The following ADAM32 variants were observed in gnomAD, a reference collection of about 807,000 sequenced individuals.
ADAM32 encodes disintegrin and metalloproteinase domain-containing protein 32.
ADAM32 carries 89 observed loss-of-function variants against 114.9 expected under a neutral mutation model. The ratio of observed to expected loss-of-function variants is 0.77; its 90% confidence interval spans 0.65 to 0.92. ADAM32 has a LOEUF of 0.92. ADAM32 is among the 40% of genes least tolerant of loss of function. The pLI, the probability that ADAM32 is intolerant of heterozygous loss-of-function variation, is 0.00. For missense variants in ADAM32, 870 were observed against 932.8 expected (o/e 0.93, Z 0.88); for synonymous variants, 285 against 307.5 (o/e 0.93, Z 0.77).
chr8:39,251,651 C>A (rs564949136), intron 17 of ADAM32, among the ~76,000 whole-genome samples: 8 of 151,796 alleles, frequency 5.3e-5, no homozygotes, highest in African/African-American at 1.7e-4. Flanking sequence ...GAAATATTTT[C>A]TTTTATTCTG....
chr8:39,196,346 C>T (rs547463122), intron 11 of ADAM32, among the ~76,000 whole-genome samples: 1 of 152,154 alleles, frequency 6.6e-6, no homozygotes, highest in African/African-American at 2.4e-5. Context: ...TTCTCTAATT[C>T]CTCTGGCTAG....
At chr8:39,202,333 ACTT>A in intron 11 of ADAM32, among the ~76,000 whole-genome samples, 1 of 152,054 alleles carries the variant, frequency 6.6e-6, no homozygotes, top group East Asian at 1.9e-4. Context: ...CAGAGATTCA[ACTT>A]CTTCCTGGCT....
chr8:39,179,007 A>T (rs984218418), intron 10 of ADAM32, among the ~76,000 whole-genome samples: 1 of 152,172 alleles, frequency 6.6e-6, no homozygotes, highest in African/African-American at 2.4e-5. Flanking sequence ...GAATGGGATC[A>T]TCAGGGACCC....
rs1806410037 is a variant in ADAM32, at chr8:39,188,733, C to G, written c.1052+1688C>G. 3.3e-5 allele frequency among the ~76,000 whole-genome samples: 5 copies of G among 152,030 alleles called. No individual in the cohort carries two copies. The South Asian group carries it at 1.0e-3, about 32-fold the overall frequency. On this transcript the variant is annotated intron_variant, in intron 11 of 24. Transcript: ENST00000379907. Reference sequence around the variant, plus strand: ...GTTTGTGGCAGACTTGGGTTTTGAGCCTGTATTAGTAAACCTTTAAGTTCA... The same window carrying G: ...GTTTGTGGCAGACTTGGGTTTTGAGGCTGTATTAGTAAACCTTTAAGTTCA...
At chr8:39,220,750 T>A (rs952277555) in intron 12 of ADAM32, among the ~76,000 whole-genome samples, 5 of 152,108 alleles carry the variant, frequency 3.3e-5, no homozygotes, top group Non-Finnish European at 5.9e-5. Context: ...ATTTCTAGTT[T>A]TATTCCCTTA....
At chr8:39,246,758 C>T (rs1208881945) in intron 17 of ADAM32, among the ~76,000 whole-genome samples, 1 of 152,152 alleles carries the variant, frequency 6.6e-6, no homozygotes, top group African/African-American at 2.4e-5. Flanking sequence ...GTCTCACATT[C>T]TATGGGTTTT....
rs541097892 is a variant in ADAM32, at chr8:39,230,135, T to A, written c.1526-1892T>A. 1.1e-4 allele frequency among the ~76,000 whole-genome samples: 17 copies of A among 152,306 alleles called. No homozygotes were observed. The South Asian group carries it at 3.1e-3, about 28-fold the overall frequency. The stretch of plus-strand genomic sequence containing the variant: ...GGCTACTGCACATCAAAGCATTCGA[T>A]AATAGGGTACTGGGGATCTAATTAC... On this transcript the variant is annotated intron_variant, in intron 14 of 24. Coordinates refer to ENST00000379907, the MANE Select transcript of ADAM32 (RefSeq NM_145004.7).
intron 10 of ADAM32, among the ~76,000 whole-genome samples, chr8:39,183,447 G>A (rs559450432): frequency 6.6e-6 from 1 of 152,286 alleles, no homozygotes; most frequent in East Asian, 1.9e-4. Flanking sequence ...TGCCGCACCA[G>A]CCTGGGGCTA....
At chr8:39,183,780 A>C (rs1435549212) in intron 10 of ADAM32, among the ~76,000 whole-genome samples, 3 of 152,222 alleles carry the variant, frequency 2.0e-5, no homozygotes, top group African/African-American at 7.2e-5. Context: ...GTGATAAGTA[A>C]ATCTTGTAGT....
intron 2 of ADAM32, among the ~76,000 whole-genome samples, chr8:39,127,946 A>G (rs962758274): frequency 6.6e-6 from 1 of 152,120 alleles, no homozygotes; most frequent in African/African-American, 2.4e-5. Flanking sequence ...CACAACAGTT[A>G]TTCAGGAACA....
intron 3 of ADAM32, among the ~76,000 whole-genome samples, chr8:39,146,167 G>A (rs758174984): frequency 1.3e-5 from 2 of 152,084 alleles, no homozygotes; most frequent in Admixed American, 6.6e-5. Flanking sequence ...ATTAAGTGAC[G>A]GTGGGTTGAA....
intron 11 of ADAM32, among the ~76,000 whole-genome samples, chr8:39,198,890 G>C (rs930421754): frequency 1.3e-5 from 2 of 151,918 alleles, no homozygotes; most frequent in African/African-American, 4.8e-5. Context: ...TTTCTTATAG[G>C]ACTAGTCTAG....
rs1008769325 is a variant in ADAM32 at position 39,284,856 on chromosome 8, CTG to C, written c.*59_*60del. 2.8e-5 allele frequency: 45 copies of C among 1,595,684 alleles called. No individual in the cohort carries two copies. Among genetic ancestry groups the C allele is most frequent in the Non-Finnish European group, 3.4e-5 (40 of 1,164,200 alleles). The stretch of plus-strand genomic sequence containing the variant: ...AGAGTCTCGCTAAGAAATGAAAATT[CTG>C]TCTTTCCTTCCGTGGTCACAGCTGA... On this transcript the variant is annotated 3_prime_UTR_variant, in exon 25 of 25. Transcript: ENST00000379907.
chr8:39,193,106 C>T (rs1806712462), intron 11 of ADAM32, among the ~76,000 whole-genome samples: 1 of 152,188 alleles, frequency 6.6e-6, no homozygotes, highest in Admixed American at 6.5e-5. Flanking sequence ...CAAGTTGCTT[C>T]CATTCTCCCC....
At chr8:39,220,643 T>A (rs1172039918) in intron 12 of ADAM32, among the ~76,000 whole-genome samples, 3 of 152,048 alleles carry the variant, frequency 2.0e-5, no homozygotes, top group African/African-American at 7.2e-5. Context: ...AACAATTTTT[T>A]ATTTTTATTC....
intron 19 of ADAM32, among the ~76,000 whole-genome samples, chr8:39,258,673 T>G (rs1357851233): frequency 6.6e-6 from 1 of 152,182 alleles, no homozygotes; most frequent in Admixed American, 6.5e-5. Context: ...TCCTCCAATG[T>G]TTTTAGGACC....
chr8:39,272,594 A>C (rs1223595091), intron 20 of ADAM32, among the ~76,000 whole-genome samples: 3 of 152,204 alleles, frequency 2.0e-5, no homozygotes, highest in Non-Finnish European at 4.4e-5. Flanking sequence ...AATATAAAAG[A>C]TAAAAAATGA....
intron 3 of ADAM32, among the ~76,000 whole-genome samples, chr8:39,146,411 ATT>A (rs367827964): frequency 4.3e-5 from 6 of 138,732 alleles, no homozygotes; most frequent in Non-Finnish European, 7.6e-5. Flanking sequence ...TGTCTATTAA[ATT>A]TTTTTTTTTT....
chr8:39,120,247 G>C (rs1199422877), intron 2 of ADAM32, among the ~76,000 whole-genome samples: 1 of 152,154 alleles, frequency 6.6e-6, no homozygotes, highest in Non-Finnish European at 1.5e-5. Context: ...ATGTTGAAGT[G>C]GATTTGGAAC....
Sources: allele counts gnomAD v4.1 joint callset (sites outside exome capture counted in the v4.1 genomes callset), GRCh38; gene constraint gnomAD v4.1.1; transcripts MANE v1.5; gene names NCBI Gene and HGNC (gene_info 2026-07-23, HGNC 2026-07-21).